Variants in SHPRH observed in about 807,000 individuals in gnomAD.
SHPRH encodes E3 ubiquitin-protein ligase SHPRH.
SHPRH carries 106 observed loss-of-function variants against 202.5 expected under a neutral mutation model. The ratio of observed to expected loss-of-function variants is 0.52; its 90% CI spans 0.45 to 0.62. The LOEUF (loss-of-function observed/expected upper bound fraction) is 0.62, where lower values mean the gene tolerates loss of function less well. SHPRH is among the 20% of genes least tolerant of loss of function. The pLI is 0.00. For synonymous variants in SHPRH, 729 were observed against 686.0 expected, an observed-to-expected ratio of 1.06 and a Z score of -0.98; for missense variants, 1,710 against 2,020.0, an observed-to-expected ratio of 0.85 and a Z score of 2.94.
At chr6:145,947,454 A>G in intron 6 of SHPRH, 39 bp downstream of exon 6, 1 of 1,600,814 alleles carries the variant, frequency 6.2e-7, no homozygotes, top group African/African-American at 1.3e-5. Flanking sequence ...TCGAGAACAT[A>G]TGTCCCCTGC....
Position 145,864,484 on chromosome 6 carries a change from C to G in SHPRH, c.229G>C (p.Glu77Gln), listed in dbSNP as rs868783408. The G allele has an allele frequency of 1.6e-5, 4 of 248,668 alleles. No individual in the cohort carries two copies. In the Middle Eastern group the frequency reaches 1.8e-3, roughly 111 times the overall value. 15.4% of individuals were successfully genotyped at this position (248,668 alleles called of 1,614,324 possible). The change falls in exon 3 of 3, where the codon GAG becomes CAG. Residue 77 changes from glutamate to glutamine, a missense_variant. Coordinates refer to the SHPRH transcript ENST00000417762. ...TGAAAACAAAATAACGCCTGTTCCT[C>G]AAAAAACCTGTGGAAATAAAAAATT...
chr6:145,881,510 C>G (rs1255042563), downstream of SHPRH: 1 of 152,164 alleles, frequency 6.6e-6, no homozygotes, highest in Non-Finnish European at 1.5e-5. Context: ...AACTGATGGT[C>G]TATGGCAATG....
At chr6:145,906,443 T>G (rs1275314606) in intron 25 of SHPRH, 2 of 152,096 alleles carry the variant, frequency 1.3e-5, no homozygotes, top group Non-Finnish European at 2.9e-5. Flanking sequence ...AGAACACCTA[T>G]GCTTATATCT....
chr6:145,863,308 C>A (rs1380104567), downstream of SHPRH, among the ~76,000 whole-genome samples: 1 of 151,994 alleles, frequency 6.6e-6, no homozygotes, highest in Non-Finnish European at 1.5e-5. Flanking sequence ...TAATCAAGGA[C>A]AAAAAATCTT....
chr6:145,868,312 C>T (rs768877699), intron 2 of SHPRH, among the ~76,000 whole-genome samples: 4 of 152,122 alleles, frequency 2.6e-5, no homozygotes, highest in African/African-American at 9.7e-5. Flanking sequence ...AGGACCTCAA[C>T]GTACAACTTT....
chr6:145,952,530 T>G, intron 2 of SHPRH, 52 bp from the exon 3 acceptor site: 1 of 1,537,534 alleles, frequency 6.5e-7, no homozygotes. Flanking sequence ...TATACCATTC[T>G]TTATGAGGAC....
At chr6:145,940,560 C>T (rs1786659522) in intron 11 of SHPRH, among the ~76,000 whole-genome samples, 163 bp downstream of exon 11, 2 of 151,762 alleles carry the variant, frequency 1.3e-5, no homozygotes, top group Non-Finnish European at 2.9e-5. Flanking sequence ...CACCTGAGTC[C>T]CATTTAAAAA....
chr6:145,890,839 T>A (rs1292625324), intron 28 of SHPRH, among the ~76,000 whole-genome samples: 3 of 152,140 alleles, frequency 2.0e-5, no homozygotes, highest in African/African-American at 7.2e-5. Context: ...CATGGTGTTA[T>A]CCTTGACCCT....
At position 145,943,558 on chromosome 6, in the gene SHPRH, C is replaced by A. The variant is rs1319185058; in HGVS notation, c.1823G>T (p.Gly608Val). 3.7e-6 allele frequency: 6 copies of A among 1,613,938 alleles called. No individual in the cohort carries two copies. In the South Asian group the frequency reaches 6.6e-5, roughly 18 times the overall value. ...QGHCPATSDS[G>V]ITDVAMSKST... Reference sequence around the variant, plus strand: ...TTTAGACATAGCAACATCAGTTATTCCAGAGTCGCTAGTAGCTGGACAGTG... The same window carrying A: ...TTTAGACATAGCAACATCAGTTATTACAGAGTCGCTAGTAGCTGGACAGTG... Residue 608 changes from glycine (G) to valine (V), a missense_variant, in exon 9 of 30, where the codon GGA becomes GTA. By Grantham distance (109) the Gly-to-Val change is moderately radical. This residue lies in a region of SHPRH where 348 missense variants were observed against 356.9 expected (regional missense o/e 0.97). Coordinates refer to ENST00000275233, the MANE Select transcript of SHPRH (RefSeq NM_001042683.3).
chr6:145,915,293 T>C (rs551975937), intron 23 of SHPRH, among the ~76,000 whole-genome samples: 51 of 151,422 alleles, frequency 3.4e-4, no homozygotes, highest in Non-Finnish European at 6.2e-4. Context: ...TTTAGTTCTA[T>C]ATAAGTTGTA....
intron 14 of SHPRH, 157 bp from the exon 15 acceptor site, chr6:145,927,434 C>A: frequency 1.7e-6 from 1 of 580,492 alleles, no homozygotes; most frequent in Non-Finnish European, 2.9e-6. Flanking sequence ...ATATGATTGC[C>A]CAAGTTTTAA....
Position 145,894,174 on chromosome 6 carries a change from T to C in SHPRH, c.4671A>G (p.Gln1557=), listed in dbSNP as rs1781806154. 4 of 1,606,376 alleles carry C rather than the reference T, an allele frequency of 2.5e-6. No homozygotes were observed. Among genetic ancestry groups the C allele is most frequent in the Non-Finnish European group, 3.4e-6 (4 of 1,176,938 alleles). ...CCTGAAATGTCTTAACACGACTGAT[T>C]TGTGCAAATTCCATGTTGTTGTCAG... is the stretch of plus-strand genomic sequence containing the variant. ...ALTDNNMEFA[Q]ISRVKTFQEN... is the part of the protein sequence containing the mutation. The change falls in exon 27 of 30, where the codon CAA becomes CAG. Residue 1557 remains glutamine (Q), a synonymous_variant. Coordinates refer to ENST00000275233, the MANE Select transcript of SHPRH (RefSeq NM_001042683.3).
Position 145,943,668 on chromosome 6 carries a change from T to C in SHPRH, c.1713A>G (p.Arg571=), listed in dbSNP as rs1454343557. 1.2e-6 allele frequency: 2 copies of C among 1,613,802 alleles called. No individual in the cohort carries two copies. The highest frequency in any genetic ancestry group is 3.3e-5 in the Admixed American group (2 of 59,946). ...GCTTTTTCCTCAATTTACTGCGATT[T>C]CTCCTGGACTTATAATAATAATAGT... ...DPYYYYYKSR[R]NRSKLRKKLV... Residue 571 remains arginine, a synonymous_variant, in exon 9 of 30, where the codon AGA becomes AGG. Coordinates refer to ENST00000275233, the MANE Select transcript of SHPRH (RefSeq NM_001042683.3).
chr6:145,949,262 A>G (rs1025693866), intron 4 of SHPRH, among the ~76,000 whole-genome samples: 1 of 152,078 alleles, frequency 6.6e-6, no homozygotes, highest in Non-Finnish European at 1.5e-5. Flanking sequence ...CCATGCTTAC[A>G]TGTTTATTGA....
At chr6:145,924,674 A>C in intron 17 of SHPRH, 65 bp downstream of exon 17, 1 of 1,483,030 alleles carries the variant, frequency 6.7e-7, no homozygotes, top group Non-Finnish European at 9.4e-7. Flanking sequence ...TCCCCACCAA[A>C]AAACCAAAAC....
intron 1 of SHPRH, among the ~76,000 whole-genome samples, chr6:145,960,672 C>T (rs1788994892): frequency 1.3e-5 from 2 of 152,146 alleles, no homozygotes; most frequent in Admixed American, 1.3e-4. Flanking sequence ...ATTTTCTCAT[C>T]TCTAAAATGG....
intron 2 of SHPRH, among the ~76,000 whole-genome samples, chr6:145,865,511 T>G (rs1388430091): frequency 1.3e-5 from 2 of 152,212 alleles, no homozygotes; most frequent in East Asian, 3.8e-4. Context: ...TCTATGGTAT[T>G]TTGTTATGGC....
intron 2 of SHPRH, among the ~76,000 whole-genome samples, chr6:145,877,202 C>T (rs890101239): frequency 2.6e-5 from 4 of 152,164 alleles, no homozygotes; most frequent in Admixed American, 6.5e-5. Context: ...GGCATAGCTG[C>T]TAGGTGTACA....
At position 145,935,014 on chromosome 6, in the gene SHPRH, G is replaced by A; in HGVS notation, c.2883C>T (p.Ser961=). 1.2e-6 allele frequency: 2 copies of A among 1,614,012 alleles called. No homozygotes were observed. Among genetic ancestry groups the A allele is most frequent in the South Asian group, 1.1e-5 (1 of 91,076 alleles). ...TAGAGGTGACAGTCCTTCTGTCTAG[G>A]CTGCTGAGCTTCAGAGCCCAGTCAG... ...KISDWALKLS[S]LDRRTVTSIL... Residue 961 remains serine, a synonymous_variant, in exon 13 of 30, where the codon AGC becomes AGT. Coordinates refer to ENST00000275233, the MANE Select transcript of SHPRH (RefSeq NM_001042683.3).
Sources: gnomAD v4.1 joint callset for allele counts (sites outside exome capture counted in the v4.1 genomes callset) on GRCh38, gnomAD v4.1.1 for gene constraint, gnomAD v4.1.1 regional missense constraint, MANE v1.5 for transcripts, NCBI Gene and HGNC (gene_info 2026-07-23, HGNC 2026-07-21) for gene names.